Variants in RYR2 observed in about 807,000 individuals in gnomAD.
RYR2 encodes ryanodine receptor 2, also known as cardiac muscle ryanodine receptor-calcium release channel.
A neutral mutation model predicts 601.1 loss-of-function variants in RYR2; 227 were observed. That is an observed-to-expected ratio of 0.38 (90% confidence interval 0.34 to 0.42). The LOEUF (loss-of-function observed/expected upper bound fraction) is 0.42. RYR2 is among the 10% of genes least tolerant of loss of function. RYR2 has a pLI of 1.00. For synonymous variants in RYR2, 2,223 were observed against 2,175.1 expected, an observed-to-expected ratio of 1.02 and a Z score of -0.61; for missense variants, 4,646 against 6,156.5, an observed-to-expected ratio of 0.75 and a Z score of 8.21.
At chr1:237,584,413 T>G (rs952313852) in intron 29 of RYR2, among the ~76,000 whole-genome samples, 1 of 152,190 alleles carries the variant, frequency 6.6e-6, no homozygotes, top group Non-Finnish European at 1.5e-5. Context: ...TGGTAACTAG[T>G]TTTTTATTTA....
rs150867326 is a variant in RYR2, at chr1:237,462,254, T to G, written c.1612+5519T>G. Among the ~76,000 whole-genome samples, 79 of 152,306 alleles carry G rather than the reference T, an allele frequency of 5.2e-4. 1 individual carries two copies. The highest frequency in any genetic ancestry group is 1.8e-3 in the African/African-American group (76 of 41,580). Reference sequence around the variant, plus strand: ...TAAGCCACTGTCTTTGTATTTTTTCTTCAGTGTGTCTATTTTGCACAGAGA... The same window carrying G: ...TAAGCCACTGTCTTTGTATTTTTTCGTCAGTGTGTCTATTTTGCACAGAGA... On this transcript the variant is annotated intron_variant, in intron 16 of 104. Coordinates refer to ENST00000366574, the MANE Select transcript of RYR2 (RefSeq NM_001035.3).
intron 34 of RYR2, among the ~76,000 whole-genome samples, chr1:237,599,223 A>G (rs1280205844): frequency 6.6e-6 from 1 of 152,158 alleles, no homozygotes; most frequent in Admixed American, 6.6e-5. Flanking sequence ...CAAGACAAAG[A>G]TGCCCACTTT....
intron 1 of RYR2, among the ~76,000 whole-genome samples, chr1:237,245,386 G>A (rs930798129): frequency 6.6e-6 from 1 of 152,158 alleles, no homozygotes; most frequent in Non-Finnish European, 1.5e-5. Context: ...CTTCTAAAGG[G>A]AAACATGCTC....
intron 1 of RYR2, among the ~76,000 whole-genome samples, chr1:237,048,554 G>C (rs558333543): frequency 3.3e-5 from 5 of 151,858 alleles, no homozygotes; most frequent in Admixed American, 6.6e-5. Flanking sequence ...TTCTCTACTT[G>C]GCCTTTTATG....
chr1:237,538,394 C>CA (rs10551995), intron 25 of RYR2, among the ~76,000 whole-genome samples: 384 of 32,900 alleles, frequency 0.012, 66 homozygotes, highest in African/African-American at 0.03. Flanking sequence ...GACTCTGTCT[C>CA]AAAAAAAAAA....
chr1:237,650,208 T>G (rs1682587335), intron 50 of RYR2, 111 bp downstream of exon 50: 2 of 1,024,490 alleles, frequency 2.0e-6, no homozygotes, highest in Non-Finnish European at 2.9e-6. Context: ...ACCACAAATT[T>G]AATTCATTTT....
intron 1 of RYR2, among the ~76,000 whole-genome samples, chr1:237,235,697 C>G (rs1227342456): frequency 6.6e-6 from 1 of 152,168 alleles, no homozygotes; most frequent in Non-Finnish European, 1.5e-5. Context: ...CTTATATAAC[C>G]CAAGTAACAA....
intron 1 of RYR2, among the ~76,000 whole-genome samples, chr1:237,045,279 A>T (rs1660437079): frequency 6.6e-6 from 1 of 152,156 alleles, no homozygotes; most frequent in Non-Finnish European, 1.5e-5. Flanking sequence ...GTGTGAGATC[A>T]CTGTTAAGGG....
At chr1:237,760,829 T>A (rs1693368696) in intron 83 of RYR2, 126 bp from the exon 84 acceptor site, 1 of 670,978 alleles carries the variant, frequency 1.5e-6, no homozygotes, top group African/African-American at 1.8e-5. Flanking sequence ...AATGGAGACA[T>A]GTTTTCAGTG....
chr1:237,484,732 C>G (rs1662491709), intron 17 of RYR2, among the ~76,000 whole-genome samples: 1 of 152,134 alleles, frequency 6.6e-6, no homozygotes, highest in South Asian at 2.1e-4. Context: ...AATGAAGTTC[C>G]TACAGATTTG....
In RYR2 at chr1:237,438,689, A is replaced by G. The variant is rs371409160; in HGVS notation, c.1006-2630A>G. Among the ~76,000 whole-genome samples the G allele has an allele frequency of 5.9e-5, 9 of 152,356 alleles. No individual in the cohort carries two copies. In the East Asian group the frequency reaches 1.4e-3, roughly 23 times the overall value. On this transcript the variant is annotated intron_variant, in intron 12 of 104. Transcript: ENST00000366574. Reference sequence around the variant, plus strand: ...TTTTGTTGCTTGTGGTCCCTGAAGCATATCCTCTGATACCTCAAGCCCATA... The same window carrying G: ...TTTTGTTGCTTGTGGTCCCTGAAGCGTATCCTCTGATACCTCAAGCCCATA...
chr1:237,610,510 A>G lies in RYR2; in HGVS notation c.4684-252A>G, dbSNP rs1677722526. Reference sequence around the variant, plus strand: ...GCCTTCTCTCTGTGCCATTCAGTATATGGGAAAGACACATCCCGAAACCTG... The same window carrying G: ...GCCTTCTCTCTGTGCCATTCAGTATGTGGGAAAGACACATCCCGAAACCTG... On this transcript the variant is annotated intron_variant, in intron 35 of 104. Coordinates refer to ENST00000366574, the MANE Select transcript of RYR2 (RefSeq NM_001035.3). This position sits in a 1 kb window ranked among gnomAD's most constrained non-coding sequence, Gnocchi z 4.9. Among the ~76,000 whole-genome samples the G allele has an allele frequency of 1.3e-5, 2 of 152,202 alleles. No homozygotes were observed. Among genetic ancestry groups the G allele is most frequent in the Admixed American group, 6.5e-5 (1 of 15,280 alleles).
At chr1:237,664,774 C>T (rs1573411103) in intron 56 of RYR2, among the ~76,000 whole-genome samples, 1 of 152,168 alleles carries the variant, frequency 6.6e-6, no homozygotes, top group African/African-American at 2.4e-5. Flanking sequence ...GCTTGTGTCC[C>T]CAAATCAATA....
chr1:237,809,228 A>G (rs571532055), intron 100 of RYR2, among the ~76,000 whole-genome samples, 193 bp downstream of exon 100: 45 of 152,350 alleles, frequency 3.0e-4, no homozygotes, highest in Non-Finnish European at 4.6e-4. Flanking sequence ...TCAATTTTCC[A>G]TATGTGCTGC....
At chr1:237,624,270 T>C (rs115053074) in intron 39 of RYR2, among the ~76,000 whole-genome samples, 94 of 152,332 alleles carry the variant, frequency 6.2e-4, no homozygotes, top group African/African-American at 2.1e-3. Flanking sequence ...AACAGGGTGC[T>C]TCTAGTTCAC....
chr1:237,500,174 G>T (rs1664481076), intron 20 of RYR2, among the ~76,000 whole-genome samples: 1 of 152,142 alleles, frequency 6.6e-6, no homozygotes, highest in African/African-American at 2.4e-5. Context: ...ATTTTAAATT[G>T]ATAGAATGAA....
intron 1 of RYR2, among the ~76,000 whole-genome samples, chr1:237,121,652 A>G (rs1469073924): frequency 6.6e-6 from 1 of 152,152 alleles, no homozygotes; most frequent in African/African-American, 2.4e-5. Context: ...TCCGAATTCT[A>G]GTAGCTGTAG....
At chr1:237,700,086 A>C in intron 64 of RYR2, 143 bp from the exon 65 acceptor site, 2 of 604,922 alleles carry the variant, frequency 3.3e-6, no homozygotes, top group African/African-American at 1.9e-5. Context: ...ATATTGAAAA[A>C]ATTTGTTTTA....
At chr1:237,605,211 A>G (rs1676978513) in intron 35 of RYR2, among the ~76,000 whole-genome samples, 1 of 152,170 alleles carries the variant, frequency 6.6e-6, no homozygotes, top group Admixed American at 6.5e-5. Context: ...ACACATCAAA[A>G]AGCTTATCCA....
Sources: gnomAD v4.1 joint callset for allele counts (sites outside exome capture counted in the v4.1 genomes callset) on GRCh38, gnomAD v4.1.1 for gene constraint, Gnocchi (gnomAD v3.1) non-coding constraint, MANE v1.5 for transcripts, NCBI Gene and HGNC (gene_info 2026-07-23, HGNC 2026-07-21) for gene names.